Variants in CSMD1 observed in about 807,000 individuals in gnomAD.
CSMD1 encodes the protein CUB and Sushi multiple domains 1, also known as CUB and sushi domain-containing protein 1.
In CSMD1, 213 loss-of-function variants were observed where a neutral mutation model predicts 417.5. That is an observed-to-expected ratio of 0.51 (90% CI 0.46 to 0.57). CSMD1 has a LOEUF of 0.57. CSMD1 is among the 20% of genes least tolerant of loss of function. CSMD1 has a pLI of 0.00. For synonymous variants in CSMD1, 2,862 were observed against 1,736.8 expected (o/e 1.65, Z -16.11); for missense variants, 6,923 against 4,529.7 (o/e 1.53, Z -15.17).
chr8:4,679,165 C>G (rs543415822), intron 1 of CSMD1, among the ~76,000 whole-genome samples: 1 of 152,102 alleles, frequency 6.6e-6, no homozygotes, highest in Non-Finnish European at 1.5e-5. Flanking sequence ...TCAACCACAA[C>G]GCAAGTTCTA....
chr8:3,423,115 A>G (rs1275122177), intron 12 of CSMD1, among the ~76,000 whole-genome samples: 1 of 152,198 alleles, frequency 6.6e-6, no homozygotes, highest in East Asian at 1.9e-4. Flanking sequence ...ACTTATTATT[A>G]CTCATCATAG....
intron 1 of CSMD1, among the ~76,000 whole-genome samples, chr8:4,841,484 C>T (rs1249843381): frequency 6.6e-6 from 1 of 152,144 alleles, no homozygotes; most frequent in Non-Finnish European, 1.5e-5. Flanking sequence ...AAGGAAATAC[C>T]ACTGGACAAG....
chr8:3,156,365 A>G (rs73657591), intron 39 of CSMD1, among the ~76,000 whole-genome samples: 1,752 of 152,314 alleles, frequency 0.012, 35 homozygotes, highest in African/African-American at 0.039. Context: ...TTCATTCCCT[A>G]GCCATTCTTT....
At chr8:4,093,979 T>C (rs57054105) in intron 3 of CSMD1, among the ~76,000 whole-genome samples, 1,900 of 145,774 alleles carry the variant, frequency 0.013, 33 homozygotes, top group African/African-American at 0.045. Flanking sequence ...GATAGATAGA[T>C]AGATAGATAG....
intron 41 of CSMD1, among the ~76,000 whole-genome samples, chr8:3,136,574 C>T (rs935698001): frequency 1.8e-4 from 28 of 152,100 alleles, no homozygotes; most frequent in African/African-American, 5.8e-4. Flanking sequence ...TCATCCCTTT[C>T]GGATTTCTGG....
At chr8:3,736,815 G>A (rs13266734) in intron 6 of CSMD1, among the ~76,000 whole-genome samples, 93,762 of 152,080 alleles carry the variant, frequency 0.62, 30,548 homozygotes, top group Non-Finnish European at 0.72. Context: ...AATAGGCCCT[G>A]TTTTGTGAGG....
Position 4,817,152 on chromosome 8 carries a change from TAC to T in CSMD1, c.85+177178_85+177179del, listed in dbSNP as rs541127360. ...ATACATATCATAATATTTACATAAA[TAC>T]ACACACATGTATACACACTATACTC... On this transcript the variant is annotated intron_variant, in intron 1 of 69. Transcript: ENST00000635120. 9.8e-4 allele frequency among the ~76,000 whole-genome samples: 149 copies of T among 152,294 alleles called. 1 individual carries two copies. The highest frequency in any genetic ancestry group is 3.5e-3 in the African/African-American group (145 of 41,546).
intron 3 of CSMD1, among the ~76,000 whole-genome samples, chr8:4,033,729 A>G (rs1435160163): frequency 6.6e-6 from 1 of 152,146 alleles, no homozygotes; most frequent in Non-Finnish European, 1.5e-5. Flanking sequence ...TTTCATTGAC[A>G]ATTTCAATAA....
chr8:4,019,831 T>A (rs1279575997), intron 4 of CSMD1, among the ~76,000 whole-genome samples: 1 of 152,020 alleles, frequency 6.6e-6, no homozygotes, highest in South Asian at 2.1e-4. Flanking sequence ...TAGGCACTCT[T>A]GTCCTTTTTC....
chr8:4,384,248 C>G (rs181851466), intron 3 of CSMD1, among the ~76,000 whole-genome samples: 2 of 150,154 alleles, frequency 1.3e-5, no homozygotes, highest in Non-Finnish European at 3.0e-5. Flanking sequence ...AAATTACAGA[C>G]TTTTTTTTTT....
chr8:4,127,046 T>C (rs981751412), intron 3 of CSMD1, among the ~76,000 whole-genome samples: 7 of 151,394 alleles, frequency 4.6e-5, no homozygotes, highest in Non-Finnish European at 7.4e-5. Flanking sequence ...AAAATCATAG[T>C]TCAAGTTTTA....
intron 3 of CSMD1, among the ~76,000 whole-genome samples, chr8:4,385,383 T>G (rs1032756364): frequency 1.3e-5 from 2 of 152,234 alleles, no homozygotes; most frequent in African/African-American, 4.8e-5. Context: ...AGCCTTAACA[T>G]TTGTTCTGAA....
chr8:3,706,126 C>T (rs1321912418), intron 7 of CSMD1, among the ~76,000 whole-genome samples: 1 of 152,250 alleles, frequency 6.6e-6, no homozygotes, highest in Non-Finnish European at 1.5e-5. Flanking sequence ...CCGTGTGGTT[C>T]ACTTCCCTCC....
At chr8:4,764,734 G>A (rs1812329641) in intron 1 of CSMD1, among the ~76,000 whole-genome samples, 1 of 150,844 alleles carries the variant, frequency 6.6e-6, no homozygotes, top group Non-Finnish European at 1.5e-5. Context: ...TTAGCCGGGT[G>A]TTGTGGCGGC....
chr8:4,440,860 G>A (rs929301078), intron 2 of CSMD1, among the ~76,000 whole-genome samples: 5 of 151,648 alleles, frequency 3.3e-5, no homozygotes, highest in Non-Finnish European at 7.4e-5. Flanking sequence ...AGCTGGGAGT[G>A]GGGGTGAATG....
rs538494133 is a variant in CSMD1, at chr8:3,430,187, C to G, written c.1562-20582G>C. Among the ~76,000 whole-genome samples, 10 of 152,212 alleles carry G rather than the reference C, an allele frequency of 6.6e-5. No individual in the cohort carries two copies. The South Asian group carries it at 1.7e-3, about 25-fold the overall frequency. ...TATACTGGGAATTCTAATATCTCAT[C>G]TTCCCTCTTTGATACATCTTCCACT... On this transcript the variant is annotated intron_variant, in intron 12 of 69. Coordinates refer to ENST00000635120, the MANE Select transcript of CSMD1 (RefSeq NM_033225.6).
intron 26 of CSMD1, among the ~76,000 whole-genome samples, chr8:3,258,934 T>A (rs531059254): frequency 7.2e-4 from 109 of 152,164 alleles, no homozygotes; most frequent in African/African-American, 2.5e-3. Context: ...GACACTGCGG[T>A]CTCCCGGATG....
chr8:4,986,273 G>C lies in CSMD1; in HGVS notation c.85+8059C>G, dbSNP rs560418945. Among the ~76,000 whole-genome samples, 5 of 152,280 alleles carry C rather than the reference G, an allele frequency of 3.3e-5. No individual in the cohort carries two copies. In the East Asian group the frequency reaches 5.8e-4, roughly 18 times the overall value. On this transcript the variant is annotated intron_variant, in intron 1 of 69. Transcript: ENST00000635120. ...CCACAGTTATGTCACTAACTATCAA[G>C]GAGGTGTAATTTTATAGAAAAGGGA... is the stretch of plus-strand genomic sequence containing the variant.
At chr8:4,522,039 C>T (rs1483526499) in intron 2 of CSMD1, among the ~76,000 whole-genome samples, 5 of 152,118 alleles carry the variant, frequency 3.3e-5, no homozygotes, top group Admixed American at 6.6e-5. Context: ...GTCATTGATA[C>T]GGTTTGGCTG....
Sources: allele counts gnomAD v4.1 joint callset (sites outside exome capture counted in the v4.1 genomes callset), GRCh38; gene constraint gnomAD v4.1.1; transcripts MANE v1.5; gene names NCBI Gene and HGNC (gene_info 2026-07-23, HGNC 2026-07-21).